SLC2A14: variants seen among roughly 807,000 people sequenced by gnomAD.
SLC2A14 encodes solute carrier family 2 member 14.
Under a neutral mutation model 43.0 loss-of-function variants are expected in SLC2A14, and 13 were observed. That is an observed-to-expected ratio of 0.30 (90% CI 0.20 to 0.48). The LOEUF is 0.48. SLC2A14 is among the 20% of genes least tolerant of loss of function. The pLI, the probability that SLC2A14 is intolerant of heterozygous loss-of-function variation, is 0.99. For missense variants in SLC2A14, 428 were observed against 620.4 expected, an observed-to-expected ratio of 0.69 and a Z score of 3.29; for synonymous variants, 190 against 233.8, an observed-to-expected ratio of 0.81 and a Z score of 1.71.
At chr12:7,824,915 G>A (rs1420142835) in intron 7 of SLC2A14, among the ~76,000 whole-genome samples, 1 of 150,894 alleles carries the variant, frequency 6.6e-6, no homozygotes, top group Non-Finnish European at 1.5e-5. Flanking sequence ...GGCTGGTCTC[G>A]AACTCCTGAT....
intron 1 of SLC2A14, among the ~76,000 whole-genome samples, chr12:7,887,883 C>T (rs1375228275): frequency 1.3e-5 from 2 of 152,116 alleles, no homozygotes; most frequent in African/African-American, 2.4e-5. Flanking sequence ...TATCAAGATA[C>T]TCCTTAGCTC....
At chr12:7,826,874 TTTC>T (rs1864444674) in intron 7 of SLC2A14, among the ~76,000 whole-genome samples, 1 of 27,248 alleles carries the variant, frequency 3.7e-5, no homozygotes, top group Non-Finnish European at 7.4e-5. Flanking sequence ...TCTTTCTTTC[TTTC>T]TTTCTTTCTT....
chr12:7,821,087 A>C, intron 8 of SLC2A14, 134 bp downstream of exon 8: 1 of 639,366 alleles, frequency 1.6e-6, no homozygotes, highest in Non-Finnish European at 2.5e-6. Flanking sequence ...ACTCTGTCTC[A>C]AAAAATTTAA....
intron 2 of SLC2A14, among the ~76,000 whole-genome samples, chr12:7,864,070 C>T (rs1361322509): frequency 6.6e-6 from 1 of 151,968 alleles, no homozygotes; most frequent in Admixed American, 6.5e-5. Flanking sequence ...CACGCCTCGG[C>T]CTCACAAAGT....
At position 7,817,795 on chromosome 12, in the gene SLC2A14, G is replaced by C. The variant is rs199981216; in HGVS notation, c.1275+36C>G. 5,602 of 1,607,626 alleles carry C rather than the reference G, an allele frequency of 3.5e-3. 167 individuals are homozygous for C. The African/African-American group carries it at 0.068, about 20-fold the overall frequency. Reference sequence around the variant, plus strand: ...AGATAGATAGACAGATACATAGATAGATACATAGATACATAGATAAGGTGA... The same window carrying C: ...AGATAGATAGACAGATACATAGATACATACATAGATACATAGATAAGGTGA... On this transcript the variant is annotated intron_variant, in intron 10 of 10. Coordinates refer to ENST00000431042, the MANE Select transcript of SLC2A14 (RefSeq NM_001286234.2).
intron 1 of SLC2A14, among the ~76,000 whole-genome samples, chr12:7,881,713 C>G (rs1378025304): frequency 6.6e-6 from 1 of 152,298 alleles, no homozygotes; most frequent in East Asian, 1.9e-4. Flanking sequence ...AGTGCAAGAT[C>G]CACTGTGTGA....
At chr12:7,867,306 A>AAAAAAAAC (rs1944979230) in intron 2 of SLC2A14, among the ~76,000 whole-genome samples, 3 of 129,886 alleles carry the variant, frequency 2.3e-5, no homozygotes, top group Non-Finnish European at 3.3e-5. Context: ...AAAAACAAAA[A>AAAAAAAAC]AAACATTCGT....
chr12:7,884,702 A>G (rs1001893670), intron 1 of SLC2A14, among the ~76,000 whole-genome samples: 3 of 152,026 alleles, frequency 2.0e-5, no homozygotes, highest in South Asian at 2.1e-4. Flanking sequence ...TCTAACACCT[A>G]CTGAGAAATT....
intron 1 of SLC2A14, chr12:7,871,315 G>A (rs898086377): frequency 6.6e-6 from 7 of 1,057,572 alleles, no homozygotes; most frequent in Non-Finnish European, 7.2e-6. Context: ...AAAAAGACAA[G>A]TTCAACTAGG....
At chr12:7,836,146 C>A (rs1346516876) in intron 2 of SLC2A14, among the ~76,000 whole-genome samples, 4 of 151,652 alleles carry the variant, frequency 2.6e-5, no homozygotes, top group Admixed American at 6.6e-5. Context: ...GAGTCCTACT[C>A]AAATATCTTC....
chr12:7,869,900 T>A lies in SLC2A14; in HGVS notation c.-20A>T. 1.3e-6 allele frequency: 2 copies of A among 1,529,898 alleles called. No homozygotes were observed. Among genetic ancestry groups the A allele is most frequent in the Non-Finnish European group, 1.8e-6 (2 of 1,142,016 alleles). The allele number at this position is 1,529,898 out of a possible 1,614,324, so 94.8% of individuals were successfully genotyped here. A position where few individuals can be genotyped will look rare whatever the true frequency, so the allele number is the denominator to read the frequency against. On this transcript the variant is annotated 5_prime_UTR_variant, in exon 2 of 11. Coordinates refer to ENST00000431042, the MANE Select transcript of SLC2A14 (RefSeq NM_001286234.2). ...GTCCATCTCTCTGCTATCCTAGGAA[T>A]TGACTCCCTCTCCAATTTCTCTTCA...
chr12:7,851,288 A>C (rs1331806719), intron 2 of SLC2A14, among the ~76,000 whole-genome samples: 1 of 152,176 alleles, frequency 6.6e-6, no homozygotes, highest in African/African-American at 2.4e-5. Flanking sequence ...GGGTTCTACA[A>C]ATACACAGCC....
rs1362194982 is a variant in SLC2A14 at position 7,820,602 on chromosome 12, AT to A, written c.969+618del. Reference sequence around the variant, plus strand: ...TTGGGGGTCACAGAAATCTTCTGTTATTATTGTTGTTTTAGTGTAAAAACAG... The same window carrying A: ...TTGGGGGTCACAGAAATCTTCTGTTATATTGTTGTTTTAGTGTAAAAACAG... On this transcript the variant is annotated intron_variant, in intron 8 of 10. Coordinates refer to ENST00000431042, the MANE Select transcript of SLC2A14 (RefSeq NM_001286234.2). 3.9e-5 allele frequency among the ~76,000 whole-genome samples: 6 copies of A among 152,214 alleles called. No individual in the cohort carries two copies. In the East Asian group the frequency reaches 1.2e-3, roughly 29 times the overall value.
intron 2 of SLC2A14, among the ~76,000 whole-genome samples, chr12:7,867,498 A>G (rs7305822): frequency 0.49 from 74,628 of 151,516 alleles, 18,400 homozygotes; most frequent in East Asian, 0.65. Context: ...GAATTGTTGC[A>G]ATCTCATAAG....
At chr12:7,851,821 C>T (rs930494865) in intron 2 of SLC2A14, among the ~76,000 whole-genome samples, 1 of 152,162 alleles carries the variant, frequency 6.6e-6, no homozygotes, top group Non-Finnish European at 1.5e-5. Context: ...GTCTCATTAG[C>T]TCTTCTTTGA....
chr12:7,871,291 G>A, intron 1 of SLC2A14: 1 of 1,127,194 alleles, frequency 8.9e-7, no homozygotes. Flanking sequence ...GTACTGGGAG[G>A]CACCCATTGA....
intron 1 of SLC2A14, among the ~76,000 whole-genome samples, chr12:7,880,403 A>G (rs929023898): frequency 1.3e-5 from 2 of 151,842 alleles, no homozygotes; most frequent in Admixed American, 1.3e-4. Context: ...TGAACCCAGG[A>G]GGCGGAGGTT....
At chr12:7,871,194 A>C (rs1056730523) in intron 1 of SLC2A14, 2 of 1,261,528 alleles carry the variant, frequency 1.6e-6, no homozygotes, top group African/African-American at 1.5e-5. Context: ...TCAACGAGGA[A>C]TCCTCAGGTT....
intron 7 of SLC2A14, among the ~76,000 whole-genome samples, chr12:7,825,257 T>TGAGACTATCTTGGCTAA (rs1555120612): frequency 2.9e-4 from 39 of 136,102 alleles, no homozygotes; most frequent in Non-Finnish European, 4.7e-4. Flanking sequence ...AGCCAGGAGT[T>TGAGACTATCTTGGCTAA]CAAGACCAGA....
Sources: gnomAD v4.1 joint callset for allele counts (sites outside exome capture counted in the v4.1 genomes callset) on GRCh38, gnomAD v4.1.1 for gene constraint, MANE v1.5 for transcripts, NCBI Gene and HGNC (gene_info 2026-07-23, HGNC 2026-07-21) for gene names.